RAD51C: variants seen among roughly 807,000 people sequenced by gnomAD.
RAD51C encodes the protein DNA repair protein RAD51 homolog 3.
A neutral mutation model predicts 45.0 loss-of-function variants in RAD51C; 42 were observed. That is an observed-to-expected ratio of 0.93 (90% CI 0.73 to 1.21). RAD51C has a LOEUF of 1.21. Among genes scored for constraint, RAD51C ranks in the 50% most tolerant of loss-of-function variants. The pLI is 0.00. For synonymous variants in RAD51C, 172 were observed against 159.8 expected (o/e 1.08, Z -0.58); for missense variants, 474 against 452.2 (o/e 1.05, Z -0.44).
chr17:58,723,261 A>T (rs1199015463), intron 6 of RAD51C, among the ~76,000 whole-genome samples: 1 of 152,034 alleles, frequency 6.6e-6, no homozygotes, highest in Non-Finnish European at 1.5e-5. Context: ...TCTGCATGAT[A>T]TGATAATACT....
chr17:58,695,752 A>T (rs1471454498), intron 2 of RAD51C, among the ~76,000 whole-genome samples: 3 of 150,980 alleles, frequency 2.0e-5, no homozygotes, highest in Admixed American at 2.0e-4. Flanking sequence ...ATCACTGGGC[A>T]GCAGAGTGAG....
At chr17:58,719,518 TAA>T (rs1036693624) in intron 5 of RAD51C, among the ~76,000 whole-genome samples, 1 of 150,480 alleles carries the variant, frequency 6.6e-6, no homozygotes, top group Non-Finnish European at 1.5e-5. Flanking sequence ...CCCTGTCTCT[TAA>T]AAAAAAAGTT....
At chr17:58,712,344 C>CAAAAAAAA (rs5821244) in intron 5 of RAD51C, among the ~76,000 whole-genome samples, 2 of 83,072 alleles carry the variant, frequency 2.4e-5, no homozygotes, top group Non-Finnish European at 4.5e-5. Context: ...CACTCCATCT[C>CAAAAAAAA]AAAAAAAAAA....
At chr17:58,724,319 A>G (rs1280178746) in intron 7 of RAD51C, among the ~76,000 whole-genome samples, 2 of 152,172 alleles carry the variant, frequency 1.3e-5, no homozygotes, top group East Asian at 3.8e-4. Context: ...TATTTAAATG[A>G]TGGGGCGCAT....
In RAD51C at chr17:58,724,035, C is replaced by T. The variant is rs371968149; in HGVS notation, c.905-5C>T. On this transcript the variant is annotated splice_polypyrimidine_tract_variant and splice_region_variant and intron_variant, in intron 6 of 8. Transcript: ENST00000337432. The stretch of plus-strand genomic sequence containing the variant: ...ATATACAGTTATTATGTTTTTTACT[C>T]TCAGGGGAAAGTTGGGGACATGCTG... The T allele has an allele frequency of 2.5e-6, 4 of 1,610,718 alleles. No individual in the cohort carries two copies. In the African/African-American group the frequency reaches 4.0e-5, roughly 16 times the overall value.
intron 5 of RAD51C, among the ~76,000 whole-genome samples, chr17:58,720,143 G>A (rs980220318): frequency 1.3e-5 from 2 of 151,394 alleles, no homozygotes; most frequent in Admixed American, 6.6e-5. Flanking sequence ...GCTGGGCGCG[G>A]TGGCTCACAC....
At chr17:58,732,980 A>C (rs2049496485) in intron 8 of RAD51C, among the ~76,000 whole-genome samples, 1 of 152,158 alleles carries the variant, frequency 6.6e-6, no homozygotes, top group South Asian at 2.1e-4. Flanking sequence ...TGGCTGAAAT[A>C]TGCATATTTA....
In RAD51C at chr17:58,732,480, G is replaced by C. The variant is rs878855183; in HGVS notation, c.966-4G>C. The stretch of plus-strand genomic sequence containing the variant: ...GTATGTATTTATTCTTTTTCTTTAA[G>C]CAGGTTGGCAACATTGTACAAGTCA... On this transcript the variant is annotated splice_polypyrimidine_tract_variant and splice_region_variant and intron_variant, in intron 7 of 8. Transcript: ENST00000337432. 1 of 1,611,248 alleles carries C rather than the reference G, an allele frequency of 6.2e-7. No individual in the cohort carries two copies. Among genetic ancestry groups the C allele is most frequent in the Admixed American group, 1.7e-5 (1 of 59,968 alleles).
At chr17:58,721,946 G>A (rs2048931793) in intron 6 of RAD51C, among the ~76,000 whole-genome samples, 1 of 152,104 alleles carries the variant, frequency 6.6e-6, no homozygotes, top group South Asian at 2.1e-4. Context: ...GTAATAGTCT[G>A]TCATGTTTCT....
At chr17:58,694,790 A>T in intron 1 of RAD51C, 141 bp from the exon 2 acceptor site, 1 of 906,980 alleles carries the variant, frequency 1.1e-6, no homozygotes, top group Non-Finnish European at 1.8e-6. Context: ...GAAAAATTAA[A>T]TGGTTGATAG....
intron 3 of RAD51C, among the ~76,000 whole-genome samples, chr17:58,699,064 T>A (rs1055666247): frequency 1.3e-5 from 2 of 151,974 alleles, no homozygotes; most frequent in Non-Finnish European, 2.9e-5. Context: ...TGGAGTGCAG[T>A]GGCATGATCT....
rs557491303 is a variant in RAD51C, at chr17:58,700,044, A to T, written c.572-3152A>T. 3.9e-5 allele frequency: 6 copies of T among 152,228 alleles called. No homozygotes were observed. In the East Asian group the frequency reaches 1.2e-3, roughly 29 times the overall value. The allele number at this position is 152,228 out of a possible 1,614,324, so 9.4% of individuals were successfully genotyped here. On this transcript the variant is annotated intron_variant, in intron 3 of 8. Transcript: ENST00000337432. ...GCTAATTTTTGTATTTTTAGTAGAG[A>T]CAGAGTTTCATCATGTTGGCCAGAC...
intron 5 of RAD51C, among the ~76,000 whole-genome samples, chr17:58,717,282 A>G (rs2048773143): frequency 6.6e-6 from 1 of 152,102 alleles, no homozygotes; most frequent in South Asian, 2.1e-4. Context: ...CTATAGTTCT[A>G]GCTAGTAGAA....
intron 3 of RAD51C, among the ~76,000 whole-genome samples, chr17:58,698,351 T>C (rs1380520480): frequency 2.0e-5 from 3 of 151,302 alleles, no homozygotes; most frequent in Admixed American, 2.0e-4. Context: ...CCCAGCTAAT[T>C]TTTTTTGTAT....
At chr17:58,714,021 C>G (rs1411753455) in intron 5 of RAD51C, among the ~76,000 whole-genome samples, 1 of 151,436 alleles carries the variant, frequency 6.6e-6, no homozygotes, top group Non-Finnish European at 1.5e-5. Flanking sequence ...GTCTTCCTCT[C>G]TCACCCAGGT....
chr17:58,692,983 A>G (rs186157345), intron 1 of RAD51C, 195 bp downstream of exon 1: 6 of 742,388 alleles, frequency 8.1e-6, no homozygotes, highest in African/African-American at 7.1e-5. Flanking sequence ...TGGTCGTGAA[A>G]ACATTTACTA....
intron 5 of RAD51C, among the ~76,000 whole-genome samples, chr17:58,712,691 G>T (rs112108591): frequency 1.3e-5 from 2 of 151,932 alleles, no homozygotes; most frequent in African/African-American, 4.8e-5. Context: ...TTGATGGCGG[G>T]CGCCTGTAAT....
At position 58,692,695 on chromosome 17, in the gene RAD51C, C is replaced by T. The variant is rs547142453; in HGVS notation, c.52C>T (p.Pro18Ser). 2.8e-5 allele frequency: 45 copies of T among 1,614,220 alleles called. 1 individual carries two copies. In the South Asian group the frequency reaches 4.7e-4, roughly 17 times the overall value. ...AATGCAGCGGGATTTGGTGAGTTTC[C>T]CGCTGTCTCCAGCGGTGCGGGTGAA... is the stretch of plus-strand genomic sequence containing the variant. ...FEMQRDLVSF[P>S]LSPAVRVKLV... Residue 18 changes from proline (P) to serine (S), a missense_variant, in exon 1 of 9, where the codon CCG becomes TCG. Transcript: ENST00000337432.
intron 4 of RAD51C, among the ~76,000 whole-genome samples, chr17:58,708,899 T>A (rs2048460815): frequency 6.6e-6 from 1 of 151,622 alleles, no homozygotes; most frequent in African/African-American, 2.4e-5. Flanking sequence ...TTTTTTGTTT[T>A]AGGAAACATA....
Sources: allele counts gnomAD v4.1 joint callset (sites outside exome capture counted in the v4.1 genomes callset), GRCh38; gene constraint gnomAD v4.1.1; transcripts MANE v1.5; gene names NCBI Gene and HGNC (gene_info 2026-07-23, HGNC 2026-07-21).